The following ANTXR2 variants were observed in gnomAD, a reference collection of about 807,000 sequenced individuals.
ANTXR2 encodes the protein ANTXR cell adhesion molecule 2.
In ANTXR2, 44 loss-of-function variants were observed where a neutral mutation model predicts 73.7. The observed-to-expected ratio is 0.60, with a 90% CI of 0.47 to 0.77. The LOEUF is 0.77. Among genes scored for constraint, ANTXR2 ranks in the 30% least tolerant of loss-of-function variants. ANTXR2 has a pLI of 0.00. For synonymous variants in ANTXR2, 217 were observed against 205.9 expected (o/e 1.05, Z -0.46); for missense variants, 604 against 592.5 (o/e 1.02, Z -0.20).
chr4:79,991,274 A>T (rs990481595), intron 12 of ANTXR2, among the ~76,000 whole-genome samples: 22 of 152,016 alleles, frequency 1.4e-4, no homozygotes, highest in Admixed American at 5.3e-4. Context: ...AACCTCATTT[A>T]AAAAAATGGG....
chr4:80,048,454 A>G (rs1219386495), intron 7 of ANTXR2, among the ~76,000 whole-genome samples: 1 of 151,712 alleles, frequency 6.6e-6, no homozygotes, highest in African/African-American at 2.4e-5. Context: ...TTTTAACAGG[A>G]GTCCTGAAAA....
chr4:79,907,530 A>C, intron 16 of ANTXR2, 63 bp from the exon 17 acceptor site: 1 of 1,500,592 alleles, frequency 6.7e-7, no homozygotes, highest in Non-Finnish European at 9.3e-7. Flanking sequence ...GCATGAGAAC[A>C]TCTAGTTTTC....
intron 16 of ANTXR2, among the ~76,000 whole-genome samples, chr4:79,919,128 A>G (rs928153937): frequency 7.2e-5 from 11 of 152,160 alleles, no homozygotes; most frequent in Non-Finnish European, 4.4e-5. Context: ...AAGAAAAAAG[A>G]ATGGATATGG....
Position 80,002,817 on chromosome 4 carries a change from C to T in ANTXR2, c.1041+5704G>A, listed in dbSNP as rs375111857. On this transcript the variant is annotated intron_variant, in intron 12 of 16. Transcript: ENST00000403729. The stretch of plus-strand genomic sequence containing the variant: ...CAAAAAACACATGAAAAAATGCTCA[C>T]CATCACTGGCCATCAGAGAAATGCA... Among the ~76,000 whole-genome samples the T allele has an allele frequency of 3.9e-4, 59 of 150,836 alleles. 1 individual carries two copies. Among genetic ancestry groups the T allele is most frequent in the African/African-American group, 9.7e-4 (40 of 41,220 alleles).
chr4:80,007,778 G>T lies in ANTXR2; in HGVS notation c.1041+743C>A, dbSNP rs182946681. On this transcript the variant is annotated intron_variant, in intron 12 of 16. Coordinates refer to ENST00000403729, the MANE Select transcript of ANTXR2 (RefSeq NM_058172.6). ...AGAAGCTGGAAAAGGCAAAGGAATGGCTTCTTCCTTAGAGCATTCAGAAAG... is the reference window on the plus strand; with the variant it reads ...AGAAGCTGGAAAAGGCAAAGGAATGTCTTCTTCCTTAGAGCATTCAGAAAG... 7.4e-4 allele frequency among the ~76,000 whole-genome samples: 113 copies of T among 152,258 alleles called. 2 individuals are homozygous for T. The South Asian group carries it at 0.011, about 15-fold the overall frequency.
chr4:79,977,690 A>T lies in ANTXR2; in HGVS notation c.1359T>A (p.Asp453Glu). The stretch of plus-strand genomic sequence containing the variant: ...GCCGCCTCAACAAAGCCCAGAGAGC[A>T]TCAAGACGACCCTAAGGGAAAATGA... ...KWYTPIKGRL[D>E]ALWALLRRQY... The change falls in exon 16 of 17, where the codon GAT becomes GAA. Residue 453 changes from aspartate (D) to glutamate (E), a missense_variant. By Grantham distance (45) the Asp-to-Glu change is conservative. Transcript: ENST00000403729. 1 of 1,577,190 alleles carries T rather than the reference A, an allele frequency of 6.3e-7. No homozygotes were observed. The highest frequency in any genetic ancestry group is 8.6e-7 in the Non-Finnish European group (1 of 1,160,590).
At chr4:80,016,221 G>A (rs1731864309) in intron 11 of ANTXR2, among the ~76,000 whole-genome samples, 1 of 151,778 alleles carries the variant, frequency 6.6e-6, no homozygotes. Flanking sequence ...AATTCAATTC[G>A]GTTTCTTAGG....
At position 80,018,590 on chromosome 4, in the gene ANTXR2, T is replaced by A. The variant is rs555431097; in HGVS notation, c.945+308A>T. 5.3e-5 allele frequency among the ~76,000 whole-genome samples: 8 copies of A among 152,300 alleles called. No individual in the cohort carries two copies. The South Asian group carries it at 1.0e-3, about 20-fold the overall frequency. On this transcript the variant is annotated intron_variant, in intron 11 of 16. Transcript: ENST00000403729. ...AAACATAATTTCTATATTTAATGTT[T>A]TAAGAAAAAAAGTGCTTCATTTGTA...
chr4:80,014,455 A>G (rs1731743901), intron 11 of ANTXR2, among the ~76,000 whole-genome samples: 1 of 152,022 alleles, frequency 6.6e-6, no homozygotes, highest in Non-Finnish European at 1.5e-5. Context: ...AATCCCAGCT[A>G]CTTGGGAAGC....
intron 16 of ANTXR2, among the ~76,000 whole-genome samples, chr4:79,975,423 AT>A (rs765190800): frequency 7.2e-5 from 11 of 152,240 alleles, no homozygotes; most frequent in Non-Finnish European, 2.9e-5. Context: ...TAATCCAAAA[AT>A]TATTGAATTG....
At chr4:80,052,145 T>C (rs1228572192) in intron 7 of ANTXR2, among the ~76,000 whole-genome samples, 1 of 151,692 alleles carries the variant, frequency 6.6e-6, no homozygotes, top group Non-Finnish European at 1.5e-5. Context: ...GGCTTAGCTT[T>C]ATGTAAATAC....
At chr4:80,058,210 C>A (rs534896727) in intron 3 of ANTXR2, among the ~76,000 whole-genome samples, 23 of 152,154 alleles carry the variant, frequency 1.5e-4, no homozygotes, top group Admixed American at 1.3e-3. Flanking sequence ...AGACTTTAAG[C>A]TAAAGGAACT....
At chr4:80,039,878 A>G (rs1320133897) in intron 7 of ANTXR2, among the ~76,000 whole-genome samples, 2 of 152,146 alleles carry the variant, frequency 1.3e-5, no homozygotes, top group Non-Finnish European at 2.9e-5. Flanking sequence ...GTGCTCCTCA[A>G]CAGTGGACTG....
intron 16 of ANTXR2, among the ~76,000 whole-genome samples, chr4:79,951,444 G>C (rs1459410496): frequency 9.2e-5 from 14 of 151,908 alleles, no homozygotes; most frequent in Non-Finnish European, 5.9e-5. Context: ...GCCAGGCATG[G>C]TGGCAGCTGT....
chr4:80,000,764 C>T (rs190871701), intron 12 of ANTXR2, among the ~76,000 whole-genome samples: 125 of 152,128 alleles, frequency 8.2e-4, no homozygotes, highest in African/African-American at 2.9e-3. Flanking sequence ...GTACAGCTAA[C>T]CAGGTAAACG....
intron 16 of ANTXR2, among the ~76,000 whole-genome samples, chr4:79,937,357 T>C (rs1034953652): frequency 6.6e-6 from 1 of 152,236 alleles, no homozygotes; most frequent in African/African-American, 2.4e-5. Context: ...GTAATATCCA[T>C]AAATGTTTAG....
chr4:80,034,203 A>C (rs1265511851), intron 8 of ANTXR2, among the ~76,000 whole-genome samples: 1 of 152,110 alleles, frequency 6.6e-6, no homozygotes, highest in Non-Finnish European at 1.5e-5. Context: ...CATTATTTAT[A>C]GTAGAAGCAA....
At chr4:79,956,083 C>A (rs1414252863) in intron 16 of ANTXR2, among the ~76,000 whole-genome samples, 2 of 152,110 alleles carry the variant, frequency 1.3e-5, no homozygotes, top group Non-Finnish European at 2.9e-5. Flanking sequence ...TACACAACTT[C>A]TAAGGTTTCT....
chr4:79,952,035 G>T (rs1211887107), intron 16 of ANTXR2, among the ~76,000 whole-genome samples: 1 of 151,796 alleles, frequency 6.6e-6, no homozygotes, highest in Non-Finnish European at 1.5e-5. Context: ...GAAAATAGTG[G>T]GTACTCAGGA....
Sources: allele counts gnomAD v4.1 joint callset (sites outside exome capture counted in the v4.1 genomes callset), GRCh38; gene constraint gnomAD v4.1.1; transcripts MANE v1.5; gene names NCBI Gene and HGNC (gene_info 2026-07-23, HGNC 2026-07-21).